MSH3: variants seen among roughly 807,000 people sequenced by gnomAD.
The protein encoded by MSH3 is DNA mismatch repair protein Msh3.
Under a neutral mutation model 123.3 loss-of-function variants are expected in MSH3, and 106 were observed. The observed-to-expected ratio is 0.86, with a 90% confidence interval of 0.73 to 1.01. The LOEUF (loss-of-function observed/expected upper bound fraction) is 1.01. Among genes scored for constraint, MSH3 ranks in the 50% least tolerant of loss-of-function variants. The probability of loss-of-function intolerance (pLI) is 0.00; values close to 1 mark genes in which losing one functional copy is unlikely to be tolerated. For synonymous variants in MSH3, 515 were observed against 481.4 expected (o/e 1.07, Z -0.91); for missense variants, 1,459 against 1,347.6 (o/e 1.08, Z -1.29).
rs1352712828 is a variant in MSH3 at position 80,809,642 on chromosome 5, T to A, written c.2656-3942T>A. 4.6e-5 allele frequency among the ~76,000 whole-genome samples: 7 copies of A among 152,348 alleles called. No homozygotes were observed. In the East Asian group the frequency reaches 1.3e-3, roughly 29 times the overall value. ...AATGCTGTCACAGTTCAGGGAGCCT[T>A]GGCATGACACACGTAACCCTTCTGT... On this transcript the variant is annotated intron_variant, in intron 19 of 23. Transcript: ENST00000265081.
intron 12 of MSH3, among the ~76,000 whole-genome samples, chr5:80,753,944 C>T (rs1420879844): frequency 3.3e-5 from 5 of 152,246 alleles, no homozygotes; most frequent in South Asian, 2.1e-4. Flanking sequence ...GAATGCATTC[C>T]GATGGTCACA....
chr5:80,729,350 A>G (rs1435888103), intron 10 of MSH3, among the ~76,000 whole-genome samples: 2 of 146,030 alleles, frequency 1.4e-5, no homozygotes, highest in Non-Finnish European at 3.0e-5. Flanking sequence ...AGGGAGGTGG[A>G]GCCTGCAGTC....
In MSH3 at chr5:80,873,151, C is replaced by G. The variant is rs188074706; in HGVS notation, c.3166C>G (p.Leu1056Val). The change falls in exon 23 of 24, where the codon CTT (leucine) becomes GTT (valine). Residue 1056 changes from leucine to valine, a missense_variant. Coordinates refer to ENST00000265081, the MANE Select transcript of MSH3 (RefSeq NM_002439.5). The part of the protein sequence containing the change: ...AEQVPDFVTF[L>V]YQITRGIAAR... The stretch of plus-strand genomic sequence containing the variant: ...ACAAGTCCCTGATTTTGTCACCTTC[C>G]TTTACCAAATAACTAGAGGAATTGC... 6.2e-7 allele frequency: 1 copy of G among 1,613,730 alleles called. No homozygotes were observed. Among genetic ancestry groups the G allele is most frequent in the Non-Finnish European group, 8.5e-7 (1 of 1,179,818 alleles).
chr5:80,789,824 G>A (rs1744578198), intron 18 of MSH3, among the ~76,000 whole-genome samples: 2 of 152,176 alleles, frequency 1.3e-5, no homozygotes, highest in Admixed American at 6.5e-5. Flanking sequence ...AAGAACTATA[G>A]GAGGTCATTG....
chr5:80,844,084 T>C (rs550524132), intron 20 of MSH3, among the ~76,000 whole-genome samples: 2 of 152,210 alleles, frequency 1.3e-5, no homozygotes, highest in African/African-American at 4.8e-5. Context: ...GTCCCAGAGA[T>C]TCTGGTATGT....
In MSH3 at chr5:80,654,852, G is replaced by T; in HGVS notation, c.125G>T (p.Gly42Val). Residue 42 changes from glycine to valine, a missense_variant, in exon 1 of 24, where the codon GGT becomes GTT. By Grantham distance (109) the Gly-to-Val change is moderately radical (BLOSUM62 -3). Coordinates refer to ENST00000265081, the MANE Select transcript of MSH3 (RefSeq NM_002439.5). ...GSLKSTSSST[G>V]AADQVDPGAA... is the part of the protein sequence containing the mutation. ...CTGAAATCCACCTCCTCCTCCACAG[G>T]TGCAGCCGACCAGGTGGACCCTGGC... The T allele has an allele frequency of 1.2e-6, 2 of 1,601,850 alleles. No individual in the cohort carries two copies. The highest frequency in any genetic ancestry group is 2.3e-5 in the East Asian group (1 of 43,248).
At chr5:80,874,232 T>A (rs1178056716) in intron 23 of MSH3, among the ~76,000 whole-genome samples, 1 of 152,220 alleles carries the variant, frequency 6.6e-6, no homozygotes, top group Non-Finnish European at 1.5e-5. Flanking sequence ...AAACAGTTGC[T>A]AACTTGTTTA....
intron 8 of MSH3, among the ~76,000 whole-genome samples, chr5:80,682,086 G>T (rs988891443): frequency 6.6e-6 from 1 of 151,964 alleles, no homozygotes; most frequent in Admixed American, 6.6e-5. Flanking sequence ...TGGACTAAGC[G>T]AAGTCAAAAG....
chr5:80,668,511 G>A (rs1749622280), intron 3 of MSH3, among the ~76,000 whole-genome samples: 1 of 152,168 alleles, frequency 6.6e-6, no homozygotes, highest in Non-Finnish European at 1.5e-5. Context: ...AAGTCCAGAG[G>A]GGGCCGAGGC....
At chr5:80,718,682 T>C (rs188058205) in intron 8 of MSH3, among the ~76,000 whole-genome samples, 3 of 152,114 alleles carry the variant, frequency 2.0e-5, no homozygotes, top group Non-Finnish European at 2.9e-5. Flanking sequence ...GAAGAGAACT[T>C]TGTAGATTCT....
intron 2 of MSH3, among the ~76,000 whole-genome samples, chr5:80,663,434 A>G (rs1650677): frequency 0.27 from 41,073 of 151,746 alleles, 5,749 homozygotes; most frequent in Middle Eastern, 0.35. Context: ...TCTCTACTCC[A>G]TTTCAATTGA....
intron 8 of MSH3, among the ~76,000 whole-genome samples, chr5:80,691,791 T>TTATG (rs10655441): frequency 8.2e-6 from 1 of 121,252 alleles, no homozygotes; most frequent in African/African-American, 3.0e-5. Flanking sequence ...GTTTATATAT[T>TTATG]TATATAAATA....
At position 80,776,869 on chromosome 5, in the gene MSH3, TATATA is replaced by T. The variant is rs1238776838; in HGVS notation, c.2318+1117_2318+1121del. Reference sequence around the variant, plus strand: ...TGTGAATGATTGTTACTTTATTACATATATAATATATATAATACATATATACAAAA... The same window carrying T: ...TGTGAATGATTGTTACTTTATTACATATATATATAATACATATATACAAAA... On this transcript the variant is annotated intron_variant, in intron 16 of 23. Coordinates refer to ENST00000265081, the MANE Select transcript of MSH3 (RefSeq NM_002439.5). Among the ~76,000 whole-genome samples the T allele has an allele frequency of 4.1e-5, 6 of 147,862 alleles. No individual in the cohort carries two copies. The East Asian group carries it at 9.7e-4, about 24-fold the overall frequency.
chr5:80,859,391 G>A (rs991305890), intron 21 of MSH3, among the ~76,000 whole-genome samples: 5 of 152,108 alleles, frequency 3.3e-5, no homozygotes, highest in East Asian at 3.9e-4. Context: ...CTCCCAAAGC[G>A]CTGGGATTGC....
chr5:80,783,109 A>G (rs1744438653), intron 17 of MSH3, among the ~76,000 whole-genome samples: 1 of 152,212 alleles, frequency 6.6e-6, no homozygotes, highest in Non-Finnish European at 1.5e-5. Flanking sequence ...TATTAACTTC[A>G]GATATCATTG....
At chr5:80,858,380 G>A (rs1229984194) in intron 21 of MSH3, among the ~76,000 whole-genome samples, 3 of 152,084 alleles carry the variant, frequency 2.0e-5, no homozygotes. Context: ...TGCTTTTGGT[G>A]CGGTTCCACA....
intron 20 of MSH3, among the ~76,000 whole-genome samples, chr5:80,824,428 G>A (rs1021491630): frequency 2.0e-5 from 3 of 151,112 alleles, no homozygotes; most frequent in African/African-American, 7.3e-5. Flanking sequence ...CGGGGCGGCT[G>A]GCCGGGCGGG....
chr5:80,730,636 G>T (rs1054324007), intron 10 of MSH3, among the ~76,000 whole-genome samples: 1 of 152,044 alleles, frequency 6.6e-6, no homozygotes, highest in East Asian at 1.9e-4. Context: ...ATGGTTGGTT[G>T]TGTTGGGGCT....
chr5:80,864,261 T>C (rs1746062474), intron 21 of MSH3, among the ~76,000 whole-genome samples: 2 of 152,140 alleles, frequency 1.3e-5, no homozygotes, highest in Admixed American at 1.3e-4. Flanking sequence ...GCAATGATGT[T>C]TGGAGGAAAT....
Sources: allele counts gnomAD v4.1 joint callset (sites outside exome capture counted in the v4.1 genomes callset), GRCh38; gene constraint gnomAD v4.1.1; transcripts MANE v1.5; gene names NCBI Gene and HGNC (gene_info 2026-07-23, HGNC 2026-07-21).